The following IL34 variants were observed in gnomAD, a reference collection of about 807,000 sequenced individuals.
The protein encoded by IL34 is interleukin-34.
Under a neutral mutation model 25.3 loss-of-function variants are expected in IL34, and 17 were observed. The ratio of observed to expected loss-of-function variants is 0.67; its 90% confidence interval spans 0.46 to 1.01. The LOEUF is 1.01. Among genes scored for constraint, IL34 ranks in the 50% least tolerant of loss-of-function variants. IL34 has a pLI of 0.00. For synonymous variants in IL34, 174 were observed against 140.9 expected (o/e 1.23, Z -1.66); for missense variants, 368 against 312.9 (o/e 1.18, Z -1.33).
At chr16:70,656,481 TGCACTC>T in intron 2 of IL34, 115 bp from the exon 3 acceptor site, 1 of 730,804 alleles carries the variant, frequency 1.4e-6, no homozygotes, top group Non-Finnish European at 2.5e-6. Flanking sequence ...ATGCTGCCCC[TGCACTC>T]CATACTGGGT....
chr16:70,633,213 C>G (rs185995021), intron 1 of IL34, among the ~76,000 whole-genome samples: 2 of 151,870 alleles, frequency 1.3e-5, no homozygotes, highest in Non-Finnish European at 2.9e-5. Context: ...GATCTGTCCT[C>G]CTTGGCTTCC....
At chr16:70,597,636 A>G (rs2050843400) in intron 1 of IL34, among the ~76,000 whole-genome samples, 1 of 152,250 alleles carries the variant, frequency 6.6e-6, no homozygotes, top group South Asian at 2.1e-4. Context: ...TATCTCTTAC[A>G]AAATGCAGCT....
chr16:70,619,917 AGCACAT>A (rs2051244960), intron 1 of IL34, among the ~76,000 whole-genome samples: 1 of 139,474 alleles, frequency 7.2e-6, no homozygotes, highest in Non-Finnish European at 1.6e-5. Flanking sequence ...CCAGATTTCC[AGCACAT>A]GTAGCAAGCT....
At position 70,656,664 on chromosome 16, in the gene IL34, C is replaced by A; in HGVS notation, c.225C>A (p.Ala75=). Residue 75 remains alanine (A), a synonymous_variant, in exon 3 of 6, where the codon GCC becomes GCA. Transcript: ENST00000288098. ...CTTACGAGGGGGTGTTCAGAATCGCCAACGTCACCAGGCTGGTGAGAATCC... is the reference window on the plus strand; with the variant it reads ...CTTACGAGGGGGTGTTCAGAATCGCAAACGTCACCAGGCTGGTGAGAATCC... ...SVPYEGVFRI[A]NVTRLQRAQV... is the part of the protein sequence containing the mutation. 1.4e-6 allele frequency: 2 copies of A among 1,390,272 alleles called. No individual in the cohort carries two copies. Among genetic ancestry groups the A allele is most frequent in the Non-Finnish European group, 2.1e-6 (2 of 975,522 alleles). The allele number at this position is 1,390,272 out of a possible 1,614,324, so 86.1% of individuals were successfully genotyped here.
intron 1 of IL34, among the ~76,000 whole-genome samples, chr16:70,621,703 A>G (rs2051286339): frequency 6.6e-6 from 1 of 152,108 alleles, no homozygotes; most frequent in Admixed American, 6.5e-5. Context: ...CTGAGTCCGA[A>G]AAGAGAGTCA....
chr16:70,599,293 C>T (rs149325615), intron 1 of IL34, among the ~76,000 whole-genome samples: 2 of 132,702 alleles, frequency 1.5e-5, no homozygotes, highest in Non-Finnish European at 3.2e-5. Context: ...TTCTTTCTTT[C>T]TTCTTTCTTT....
At chr16:70,592,807 A>G (rs915322626) in intron 1 of IL34, among the ~76,000 whole-genome samples, 1 of 152,078 alleles carries the variant, frequency 6.6e-6, no homozygotes, top group African/African-American at 2.4e-5. Context: ...GGCACATGCC[A>G]CCATGCCCAG....
chr16:70,603,021 C>T (rs879116801), intron 1 of IL34, among the ~76,000 whole-genome samples: 3 of 152,044 alleles, frequency 2.0e-5, no homozygotes, highest in Non-Finnish European at 1.5e-5. Context: ...GTGGGAGCCC[C>T]GGCTGTTTTT....
At chr16:70,606,423 A>ATATG (rs1284412291) in intron 1 of IL34, among the ~76,000 whole-genome samples, 22 of 152,114 alleles carry the variant, frequency 1.4e-4, no homozygotes, top group African/African-American at 5.1e-4. Flanking sequence ...AAATAAATAA[A>ATATG]TATGTAGATC....
intron 1 of IL34, among the ~76,000 whole-genome samples, chr16:70,602,992 C>T (rs2050941289): frequency 6.6e-6 from 1 of 152,116 alleles, no homozygotes; most frequent in Admixed American, 6.6e-5. Flanking sequence ...TCTCTGTGGC[C>T]CGCCAACCCC....
At chr16:70,599,063 A>C (rs1486557128) in intron 1 of IL34, among the ~76,000 whole-genome samples, 1 of 152,198 alleles carries the variant, frequency 6.6e-6, no homozygotes, top group Admixed American at 6.5e-5. Context: ...AGGGTCATGC[A>C]TGTTTTAAGG....
At chr16:70,585,985 C>G (rs1429505596) in intron 1 of IL34, among the ~76,000 whole-genome samples, 4 of 151,882 alleles carry the variant, frequency 2.6e-5, no homozygotes, top group Non-Finnish European at 5.9e-5. Context: ...AGGCGCCCAC[C>G]ACCATGCCCG....
At chr16:70,640,231 TC>T in intron 1 of IL34, among the ~76,000 whole-genome samples, 1 of 152,162 alleles carries the variant, frequency 6.6e-6, no homozygotes, top group African/African-American at 2.4e-5. Flanking sequence ...AGCCTTGGCC[TC>T]CTGGGCTCAA....
At chr16:70,595,099 C>T (rs1216826087) in intron 1 of IL34, among the ~76,000 whole-genome samples, 3 of 151,812 alleles carry the variant, frequency 2.0e-5, no homozygotes, top group Non-Finnish European at 2.9e-5. Context: ...GGGTAACAGG[C>T]GCCCGCCACC....
At chr16:70,610,932 C>G (rs867918687) in intron 1 of IL34, among the ~76,000 whole-genome samples, 8 of 151,960 alleles carry the variant, frequency 5.3e-5, no homozygotes, top group Middle Eastern at 3.4e-3. Flanking sequence ...TTCTTTCCCC[C>G]CCTTCCATCC....
chr16:70,618,144 G>A (rs2051203050), intron 1 of IL34, among the ~76,000 whole-genome samples: 1 of 152,168 alleles, frequency 6.6e-6, no homozygotes, highest in Non-Finnish European at 1.5e-5. Flanking sequence ...GAAATGAGAG[G>A]TTCTAGGAGG....
rs529788404 is a variant in IL34 at position 70,611,793 on chromosome 16, G to A, written c.-401+31744G>A. On this transcript the variant is annotated intron_variant, in intron 1 of 6. Coordinates refer to the IL34 transcript ENST00000429149. ...CAAGAGGCAGAGGTTGCAGTGAGCC[G>A]AGATCACACCACTGCACTGCAGCCT... Among the ~76,000 whole-genome samples, 234 of 151,776 alleles carry A rather than the reference G, an allele frequency of 1.5e-3. 2 individuals are homozygous for A. Among genetic ancestry groups the A allele is most frequent in the African/African-American group, 5.4e-3 (223 of 41,344 alleles).
chr16:70,617,043 G>T (rs1165563538), intron 1 of IL34, among the ~76,000 whole-genome samples: 2 of 152,108 alleles, frequency 1.3e-5, no homozygotes, highest in African/African-American at 4.8e-5. Flanking sequence ...AGCAGGATTA[G>T]GGGTGGCGTG....
chr16:70,610,913 C>A (rs892366968), intron 1 of IL34, among the ~76,000 whole-genome samples: 2 of 152,214 alleles, frequency 1.3e-5, no homozygotes, highest in African/African-American at 4.8e-5. Context: ...AATGAAAAAA[C>A]TGCTTGCGTT....
Sources: allele counts gnomAD v4.1 joint callset (sites outside exome capture counted in the v4.1 genomes callset), GRCh38; gene constraint gnomAD v4.1.1; transcripts MANE v1.5; gene names NCBI Gene and HGNC (gene_info 2026-07-23, HGNC 2026-07-21).